Variants in MAOB observed in about 807,000 individuals in gnomAD.
MAOB encodes the protein monoamine oxidase B, also known as amine oxidase [flavin-containing] B.
MAOB carries 15 observed loss-of-function variants against 41.9 expected under a neutral mutation model. That is an observed-to-expected ratio of 0.36 (90% CI 0.24 to 0.55). MAOB has a LOEUF of 0.55. MAOB is among the 20% of genes least tolerant of loss of function. The pLI is 0.86. For synonymous variants in MAOB, 167 were observed against 144.2 expected (o/e 1.16, Z -1.13); for missense variants, 345 against 398.7 (o/e 0.87, Z 1.15).
In MAOB at chrX:43,797,194, G is replaced by A. The variant is rs75554585; in HGVS notation, c.549C>T (p.Leu183=). The change falls in exon 6 of 15, where the codon CTC becomes CTT. Residue 183 remains leucine, a synonymous_variant. Transcript: ENST00000378069. Reference sequence around the variant, plus strand: ...ACTGCTTCACATACCACAGGAACCAGAGAGCAGAGACCTCATGGGTCTCTG... The same window carrying A: ...ACTGCTTCACATACCACAGGAACCAAAGAGCAGAGACCTCATGGGTCTCTG... ...VTAETHEVSA[L]WFLWYVKQCG... 1.6e-5 allele frequency: 19 copies of A among 1,205,472 alleles called. No homozygotes were observed. Among genetic ancestry groups the A allele is most frequent in the Non-Finnish European group, 2.1e-5 (19 of 890,434 alleles).
intron 3 of MAOB, among the ~76,000 whole-genome samples, chrX:43,818,601 G>A (rs1359381831): frequency 2.7e-5 from 3 of 112,147 alleles, no homozygotes; most frequent in South Asian, 3.7e-4. Flanking sequence ...TAGGCAGAGC[G>A]ACAACGCAAA....
At chrX:43,849,554 A>G (rs2035234618) in intron 1 of MAOB, among the ~76,000 whole-genome samples, 1 of 113,056 alleles carries the variant, frequency 8.8e-6, no homozygotes, top group East Asian at 2.8e-4. Flanking sequence ...AGGTGCATGC[A>G]AACGGCTTGG....
At chrX:43,785,993 A>T (rs376175203) in intron 8 of MAOB, among the ~76,000 whole-genome samples, 3 of 111,916 alleles carry the variant, frequency 2.7e-5, no homozygotes, top group East Asian at 2.8e-4. Flanking sequence ...AAGTGAGTAC[A>T]CGCTGTTGGA....
At position 43,780,380 on chromosome X, in the gene MAOB, G is replaced by A; in HGVS notation, c.1041C>T (p.His347=). The A allele has an allele frequency of 8.3e-7, 1 of 1,199,451 alleles. No homozygotes were observed. Among genetic ancestry groups the A allele is most frequent in the South Asian group, 1.8e-5 (1 of 56,267 alleles). The change falls in exon 10 of 15, where the codon CAC becomes CAT. Residue 347 remains histidine, a synonymous_variant. Transcript: ENST00000378069. ...TAAGACGTGCCAGTTTTCTGGCTTT[G>A]TGGGCCAGGATAAATCTAAAGAATA... The part of the protein sequence containing the change: ...YAAIMGFILA[H]KARKLARLTK...
At chrX:43,837,709 T>C (rs2035087436) in intron 3 of MAOB, among the ~76,000 whole-genome samples, 1 of 112,243 alleles carries the variant, frequency 8.9e-6, no homozygotes, top group Admixed American at 9.4e-5. Context: ...CCGTTGCTAG[T>C]TTCTTCTGTC....
At chrX:43,877,540 A>G (rs2035447657) in intron 1 of MAOB, among the ~76,000 whole-genome samples, 1 of 112,059 alleles carries the variant, frequency 8.9e-6, no homozygotes, top group Admixed American at 9.5e-5. Flanking sequence ...ATAACGCTTG[A>G]TATGCTACCT....
chrX:43,790,613 T>A (rs2034451788), intron 8 of MAOB, among the ~76,000 whole-genome samples: 1 of 109,078 alleles, frequency 9.2e-6, no homozygotes, highest in African/African-American at 3.3e-5. Flanking sequence ...AGAGATGGAG[T>A]CTCACTCTGT....
chrX:43,822,971 T>C (rs189528061), intron 3 of MAOB, among the ~76,000 whole-genome samples: 4 of 110,176 alleles, frequency 3.6e-5, no homozygotes, highest in African/African-American at 1.3e-4. Context: ...TTTATACGTT[T>C]ATTTTTATTT....
intron 2 of MAOB, 31 bp from the exon 3 acceptor site, chrX:43,839,036 A>T (rs773298389): frequency 2.0e-5 from 22 of 1,079,922 alleles, no homozygotes; most frequent in Admixed American, 1.7e-4. Context: ...ATTAAAAAAA[A>T]TTTGTAAAAA....
chrX:43,810,552 T>C (rs1182201821), intron 3 of MAOB, among the ~76,000 whole-genome samples: 3 of 110,550 alleles, frequency 2.7e-5, no homozygotes, highest in African/African-American at 9.8e-5. Flanking sequence ...CAAAAGCTAC[T>C]TGGAATTCTT....
chrX:43,780,272 A>T (rs1601967585), intron 10 of MAOB, 70 bp downstream of exon 10: 1 of 873,646 alleles, frequency 1.1e-6, no homozygotes, highest in East Asian at 3.4e-5. Flanking sequence ...AAGAAAGAGA[A>T]AAGGGAGGGA....
intron 3 of MAOB, among the ~76,000 whole-genome samples, chrX:43,824,643 A>G (rs2034922779): frequency 9.0e-6 from 1 of 111,529 alleles, no homozygotes; most frequent in Non-Finnish European, 1.9e-5. Context: ...AGATCACTCC[A>G]TTGCACTCCA....
intron 3 of MAOB, among the ~76,000 whole-genome samples, chrX:43,830,543 C>T (rs1001427383): frequency 2.7e-5 from 3 of 112,130 alleles, no homozygotes; most frequent in Non-Finnish European, 5.6e-5. Context: ...TGCTTCTCTC[C>T]TAGCCTACCA....
intron 1 of MAOB, among the ~76,000 whole-genome samples, chrX:43,874,800 C>T (rs1449278620): frequency 3.6e-5 from 4 of 111,846 alleles, no homozygotes; most frequent in African/African-American, 1.3e-4. Context: ...AAATTCTACT[C>T]CCTTAATGAG....
intron 3 of MAOB, among the ~76,000 whole-genome samples, chrX:43,812,465 A>G (rs2034760405): frequency 8.9e-6 from 1 of 111,918 alleles, no homozygotes; most frequent in Admixed American, 9.5e-5. Flanking sequence ...CCCACCAACA[A>G]TGTGCAAATA....
At chrX:43,791,300 T>C (rs778950592) in intron 8 of MAOB, among the ~76,000 whole-genome samples, 2 of 111,391 alleles carry the variant, frequency 1.8e-5, no homozygotes, top group Admixed American at 9.6e-5. Flanking sequence ...ACCTTCTTTC[T>C]GCAGTCTTGC....
chrX:43,876,621 G>A (rs2035441860), intron 1 of MAOB, among the ~76,000 whole-genome samples: 1 of 112,197 alleles, frequency 8.9e-6, no homozygotes, highest in Non-Finnish European at 1.9e-5. Flanking sequence ...TAACAGCTGT[G>A]TTATCTTCCT....
At chrX:43,832,705 AG>A (rs1371364174) in intron 3 of MAOB, among the ~76,000 whole-genome samples, 1 of 112,145 alleles carries the variant, frequency 8.9e-6, no homozygotes, top group Non-Finnish European at 1.9e-5. Flanking sequence ...AGCTATTAGT[AG>A]TTTTCGGGGA....
Position 43,855,151 on chromosome X carries a change from T to C in MAOB, c.47-11387A>G, listed in dbSNP as rs775937045. 3.6e-5 allele frequency among the ~76,000 whole-genome samples: 4 copies of C among 111,674 alleles called. No homozygotes were observed. The South Asian group carries it at 1.5e-3, about 42-fold the overall frequency. On this transcript the variant is annotated intron_variant, in intron 1 of 14. Coordinates refer to ENST00000378069, the MANE Select transcript of MAOB (RefSeq NM_000898.5). ...GACCAGAATAGGTTATTCAGAAACA[T>C]GTGTGTGGGAAAATCCTTTCCTTAA...
Sources: gnomAD v4.1 joint callset for allele counts (sites outside exome capture counted in the v4.1 genomes callset) on GRCh38, gnomAD v4.1.1 for gene constraint, MANE v1.5 for transcripts, NCBI Gene and HGNC (gene_info 2026-07-23, HGNC 2026-07-21) for gene names.